Variants in HBS1L observed in about 807,000 individuals in gnomAD.
HBS1L encodes HBS1-like protein.
HBS1L carries 55 observed loss-of-function variants against 88.9 expected under a neutral mutation model. That is an observed-to-expected ratio of 0.62 (90% CI 0.50 to 0.77). The LOEUF (loss-of-function observed/expected upper bound fraction) is 0.77, where lower values mean the gene tolerates loss of function less well. HBS1L is among the 30% of genes least tolerant of loss of function. The pLI, the probability that HBS1L is intolerant of heterozygous loss-of-function variation, is 0.00. For missense variants in HBS1L, 741 were observed against 829.3 expected (o/e 0.89, Z 1.31); for synonymous variants, 267 against 288.5 (o/e 0.93, Z 0.76).
chr6:134,996,894 A>T lies in HBS1L; in HGVS notation c.848T>A (p.Leu283His). The stretch of plus-strand genomic sequence containing the variant: ...AGTTCTTTTGTTTATATTACCCAGA[A>T]GATAAAGCATATGGCCCATCAGAGT... Reference protein sequence around the residue: ...KSTLMGHMLYLLGNINKRTMH... With the variant: ...KSTLMGHMLYHLGNINKRTMH... The change falls in exon 7 of 18, where the codon CTT (leucine) becomes CAT (histidine). Residue 283 changes from leucine to histidine, a missense_variant. By Grantham distance (99) the Leu-to-His change is moderately conservative. Around this residue, in one of 3 missense-constraint regions of HBS1L, gnomAD observed 556 missense variants for 598.4 expected, o/e 0.93. Coordinates refer to ENST00000367837, the MANE Select transcript of HBS1L (RefSeq NM_006620.4). The T allele has an allele frequency of 6.2e-7, 1 of 1,608,244 alleles. No individual in the cohort carries two copies. The highest frequency in any genetic ancestry group is 1.7e-5 in the Admixed American group (1 of 58,454).
chr6:135,039,603 C>G lies in HBS1L; in HGVS notation c.400G>C (p.Ala134Pro). Reference protein sequence around the residue: ...RVQSLKDKNEATVSTGKIAKG... With the variant: ...RVQSLKDKNEPTVSTGKIAKG... ...GCTATCTTTCCTGTAGATACTGTTG[C>G]CTCATTCTTGTCCTTCAAACTCTGC... is the stretch of plus-strand genomic sequence containing the variant. The change falls in exon 4 of 18, where the codon GCA becomes CCA. Residue 134 changes from alanine (A) to proline (P), a missense_variant. This residue lies in a region of HBS1L where 556 missense variants were observed against 598.4 expected (regional missense o/e 0.93). Transcript: ENST00000367837. The G allele has an allele frequency of 6.2e-7, 1 of 1,614,062 alleles. No homozygotes were observed. The highest frequency in any genetic ancestry group is 1.1e-5 in the South Asian group (1 of 91,060).
At position 134,993,733 on chromosome 6, in the gene HBS1L, C is replaced by T. The variant is rs748315345; in HGVS notation, c.1083+25G>A. 4 of 1,108,624 alleles carry T rather than the reference C, an allele frequency of 3.6e-6. No individual in the cohort carries two copies. In the African/African-American group the frequency reaches 6.2e-5, roughly 17 times the overall value. The allele number at this position is 1,108,624 out of a possible 1,614,324, so 68.7% of individuals were successfully genotyped here. ...TTTTATGTAAAGTACAATCAGCACA[C>T]TATAGTGAAGAAAACAGCAGTTACC... On this transcript the variant is annotated intron_variant, in intron 8 of 17. Coordinates refer to ENST00000367837, the MANE Select transcript of HBS1L (RefSeq NM_006620.4).
At chr6:134,999,543 G>A (rs1292393095) in intron 5 of HBS1L, among the ~76,000 whole-genome samples, 1 of 147,336 alleles carries the variant, frequency 6.8e-6, no homozygotes, top group African/African-American at 2.5e-5. Context: ...CGCCTCCCAG[G>A]TTCCAGCAAT....
At chr6:134,979,440 T>G (rs772375750) in intron 13 of HBS1L, 172 bp from the exon 14 acceptor site, 12 of 570,204 alleles carry the variant, frequency 2.1e-5, no homozygotes, top group Non-Finnish European at 3.5e-5. Flanking sequence ...ACACTTCCTC[T>G]AGAACTGACT....
Position 135,053,838 on chromosome 6 carries a change from CATG to C in HBS1L, c.43+808_43+810del, listed in dbSNP as rs551439774. The stretch of plus-strand genomic sequence containing the variant: ...TGGTGATGCCTATAGTTATCTACTG[CATG>C]AAGAGGGATGTGCTCCTCCTAAAAA... On this transcript the variant is annotated intron_variant, in intron 1 of 17. Coordinates refer to ENST00000367837, the MANE Select transcript of HBS1L (RefSeq NM_006620.4). Among the ~76,000 whole-genome samples, 308 of 152,320 alleles carry C rather than the reference CATG, an allele frequency of 2.0e-3. 1 individual carries two copies. Among genetic ancestry groups the C allele is most frequent in the African/African-American group, 7.3e-3 (304 of 41,560 alleles).
In HBS1L at chr6:134,965,043, T is replaced by C. The variant is rs113902835; in HGVS notation, c.*236A>G. On this transcript the variant is annotated 3_prime_UTR_variant, in exon 18 of 18. Transcript: ENST00000367837. Reference sequence around the variant, plus strand: ...ATCTTAGCAAAGTAAATCCATTTATTAACGTTTCAAAGGCAAAGTTGTTTT... The same window carrying C: ...ATCTTAGCAAAGTAAATCCATTTATCAACGTTTCAAAGGCAAAGTTGTTTT... 5.1e-3 allele frequency: 2,830 copies of C among 550,280 alleles called. 80 individuals carry two copies. Among genetic ancestry groups the C allele is most frequent in the African/African-American group, 0.048 (2,478 of 51,568 alleles). 34.1% of individuals were successfully genotyped at this position (550,280 alleles called of 1,614,324 possible). A position where few individuals can be genotyped will look rare whatever the true frequency, so the allele number is the denominator to read the frequency against.
Position 134,986,764 on chromosome 6 carries a change from C to A in HBS1L, c.1277G>T (p.Gly426Val). Reference sequence around the variant, plus strand: ...AAAACCTGCTTGCTTAAGAAAGTGCCCAAGTTTTCCAGTAATCTCTTGAAA... The same window carrying A: ...AAAACCTGCTTGCTTAAGAAAGTGCACAAGTTTTCCAGTAATCTCTTGAAA... ...ERFQEITGKLGHFLKQAGFKE... is the reference protein window; with the variant it reads ...ERFQEITGKLVHFLKQAGFKE... Residue 426 changes from glycine to valine, a missense_variant, in exon 10 of 18, where the codon GGG becomes GTG. Around this residue, in one of 3 missense-constraint regions of HBS1L, gnomAD observed 556 missense variants for 598.4 expected, o/e 0.93. Coordinates refer to ENST00000367837, the MANE Select transcript of HBS1L (RefSeq NM_006620.4). The A allele has an allele frequency of 6.4e-7, 1 of 1,570,028 alleles. No homozygotes were observed. The highest frequency in any genetic ancestry group is 8.6e-7 in the Non-Finnish European group (1 of 1,157,738).
chr6:135,009,545 C>T, intron 4 of HBS1L, among the ~76,000 whole-genome samples: 1 of 151,782 alleles, frequency 6.6e-6, no homozygotes, highest in Non-Finnish European at 1.5e-5. Flanking sequence ...AAAAAAATGG[C>T]TTTTTTCAAA....
intron 8 of HBS1L, among the ~76,000 whole-genome samples, chr6:134,990,569 G>A (rs1385614553): frequency 6.6e-6 from 1 of 152,164 alleles, no homozygotes; most frequent in Non-Finnish European, 1.5e-5. Context: ...TAAAGAGTTT[G>A]AAATAAATGA....
chr6:134,962,415 T>A lies in HBS1L; in HGVS notation c.*2864A>T, dbSNP rs1774208193. On this transcript the variant is annotated 3_prime_UTR_variant, in exon 18 of 18. Transcript: ENST00000367837. ...GTGACAGAACTGTGGGTTAATTTTATTCTTCCCTATATTTTCTGTATTTTC... is the reference window on the plus strand; with the variant it reads ...GTGACAGAACTGTGGGTTAATTTTAATCTTCCCTATATTTTCTGTATTTTC... 6.6e-6 allele frequency: 1 copy of A among 152,218 alleles called. No individual in the cohort carries two copies. Among genetic ancestry groups the A allele is most frequent in the African/African-American group, 2.4e-5 (1 of 41,458 alleles). 9.4% of individuals were successfully genotyped at this position (152,218 alleles called of 1,614,324 possible).
At position 134,969,200 on chromosome 6, in the gene HBS1L, A is replaced by T. The variant is rs768266265; in HGVS notation, c.1898+38T>A. 9 of 1,400,216 alleles carry T rather than the reference A, an allele frequency of 6.4e-6. No individual in the cohort carries two copies. In the Admixed American group the frequency reaches 1.3e-4, roughly 21 times the overall value. 86.7% of individuals were successfully genotyped at this position (1,400,216 alleles called of 1,614,324 possible). A position where few individuals can be genotyped will look rare whatever the true frequency, so the allele number is the denominator to read the frequency against. ...GAGTTAATCTTTAAAAAATTGGCTT[A>T]AATTGCTTGTTTATCATTTCTGTAT... is the stretch of plus-strand genomic sequence containing the variant. On this transcript the variant is annotated intron_variant, in intron 16 of 17. Coordinates refer to ENST00000367837, the MANE Select transcript of HBS1L (RefSeq NM_006620.4).
At position 134,979,548 on chromosome 6, in the gene HBS1L, ATT is replaced by A. The variant is rs376555093; in HGVS notation, c.1598-282_1598-281del. 151 of 320,340 alleles carry A rather than the reference ATT, an allele frequency of 4.7e-4. No individual in the cohort carries two copies. In the East Asian group the frequency reaches 8.4e-3, roughly 18 times the overall value. The allele number at this position is 320,340 out of a possible 1,614,324, so 19.8% of individuals were successfully genotyped here. ...CAAGATTTTTAAACTAATTGACACA[ATT>A]GGTATATTCATTAAACAGGCCCCAT... On this transcript the variant is annotated intron_variant, in intron 13 of 17. Transcript: ENST00000367837.
intron 4 of HBS1L, among the ~76,000 whole-genome samples, chr6:135,026,568 T>C (rs987320599): frequency 2.6e-5 from 4 of 152,016 alleles, no homozygotes; most frequent in African/African-American, 9.7e-5. Context: ...ACAAAGACTC[T>C]CTATCCAAAC....
intron 13 of HBS1L, 58 bp from the exon 14 acceptor site, chr6:134,979,326 A>C (rs756826014): frequency 2.3e-6 from 3 of 1,279,642 alleles, no homozygotes; most frequent in Non-Finnish European, 3.4e-6. Context: ...AAACCATAAC[A>C]ACCAACAGAG....
intron 4 of HBS1L, among the ~76,000 whole-genome samples, chr6:135,017,001 A>G (rs1427741058): frequency 1.3e-5 from 2 of 152,170 alleles, no homozygotes; most frequent in Admixed American, 1.3e-4. Flanking sequence ...AAGATTTAGA[A>G]CTATTTATCT....
At chr6:135,047,502 C>T (rs181111498) in intron 2 of HBS1L, among the ~76,000 whole-genome samples, 8 of 152,340 alleles carry the variant, frequency 5.3e-5, no homozygotes, top group African/African-American at 1.9e-4. Flanking sequence ...CCCCAGTGGG[C>T]TTGTTAAAAC....
rs1310612185 is a variant in HBS1L at position 134,963,397 on chromosome 6, A to T, written c.*1882T>A. ...GTGGAATTATCACATCTTGTCAAGA[A>T]CCTGGCATTACAGAAGAGGTTTTTT... On this transcript the variant is annotated 3_prime_UTR_variant, in exon 18 of 18. Transcript: ENST00000367837. The T allele has an allele frequency of 6.6e-6, 1 of 152,162 alleles. No individual in the cohort carries two copies. Among genetic ancestry groups the T allele is most frequent in the Non-Finnish European group, 1.5e-5 (1 of 68,074 alleles). The allele number at this position is 152,162 out of a possible 1,614,324, so 9.4% of individuals were successfully genotyped here.
intron 4 of HBS1L, among the ~76,000 whole-genome samples, chr6:135,034,539 G>C (rs2114887230): frequency 6.6e-6 from 1 of 152,320 alleles, no homozygotes; most frequent in East Asian, 1.9e-4. Context: ...AGCTACTCGG[G>C]GGGCTGACAC....
intron 4 of HBS1L, among the ~76,000 whole-genome samples, chr6:135,015,847 T>A (rs1775905620): frequency 6.6e-6 from 1 of 150,424 alleles, no homozygotes; most frequent in Non-Finnish European, 1.5e-5. Context: ...CCTCCCAAAG[T>A]GCTGGGATTA....
Sources: allele counts gnomAD v4.1 joint callset (sites outside exome capture counted in the v4.1 genomes callset), GRCh38; gene constraint gnomAD v4.1.1; regional missense constraint gnomAD v4.1.1; transcripts MANE v1.5; gene names NCBI Gene and HGNC (gene_info 2026-07-23, HGNC 2026-07-21).